LGR4: variants seen among roughly 807,000 people sequenced by gnomAD.
LGR4 encodes the protein leucine-rich repeat-containing G protein-coupled receptor 4.
A neutral mutation model predicts 84.8 loss-of-function variants in LGR4; 44 were observed. That is an observed-to-expected ratio of 0.52 (90% CI 0.41 to 0.67). LGR4 has a LOEUF of 0.67. LGR4 is among the 30% of genes least tolerant of loss of function. The pLI is 0.00. For synonymous variants in LGR4, 429 were observed against 434.3 expected, an observed-to-expected ratio of 0.99 and a Z score of 0.15; for missense variants, 1,032 against 1,131.4, an observed-to-expected ratio of 0.91 and a Z score of 1.26.
chr11:27,414,567 C>T (rs1256894802), intron 1 of LGR4, among the ~76,000 whole-genome samples: 1 of 152,018 alleles, frequency 6.6e-6, no homozygotes, highest in Non-Finnish European at 1.5e-5. Context: ...TTGAAAACAA[C>T]TCAAATCCTA....
chr11:27,419,739 T>G (rs1341041551), intron 1 of LGR4, among the ~76,000 whole-genome samples: 2 of 151,508 alleles, frequency 1.3e-5, no homozygotes, highest in East Asian at 3.9e-4. Context: ...TACAATGGAA[T>G]GTTATCCAGC....
Position 27,472,761 on chromosome 11 carries a change from G to A in LGR4, c.-459C>T. ...CCCAGCCGCGGCTCAATCTCTTCCC[G>A]TCCTTTTCCCTTCTAGGGTTGCACG... On this transcript the variant is annotated 5_prime_UTR_variant, in exon 1 of 18. The change creates a new upstream start codon in the 5' untranslated region. Transcript: ENST00000379214. 2.9e-6 allele frequency: 1 copy of A among 343,944 alleles called. No homozygotes were observed. The highest frequency in any genetic ancestry group is 5.2e-6 in the Non-Finnish European group (1 of 191,550). 21.3% of individuals were successfully genotyped at this position (343,944 alleles called of 1,614,324 possible). A position where few individuals can be genotyped will look rare whatever the true frequency, so the allele number is the denominator to read the frequency against.
chr11:27,439,285 C>T (rs1271870749), intron 1 of LGR4, among the ~76,000 whole-genome samples: 1 of 152,182 alleles, frequency 6.6e-6, no homozygotes, highest in South Asian at 2.1e-4. Flanking sequence ...ATTTTGACTA[C>T]TCTAAGTACC....
chr11:27,435,144 G>A (rs1864186252), intron 1 of LGR4, among the ~76,000 whole-genome samples: 1 of 151,970 alleles, frequency 6.6e-6, no homozygotes, highest in South Asian at 2.1e-4. Flanking sequence ...AGACCAGCCT[G>A]GCCAATATGG....
intron 1 of LGR4, among the ~76,000 whole-genome samples, chr11:27,430,292 T>A (rs1027534042): frequency 6.6e-6 from 1 of 152,048 alleles, no homozygotes; most frequent in Non-Finnish European, 1.5e-5. Flanking sequence ...GTTGAGTCAC[T>A]ACATGCCAAC....
intron 1 of LGR4, among the ~76,000 whole-genome samples, chr11:27,419,436 A>G (rs1274572094): frequency 1.3e-5 from 2 of 151,878 alleles, no homozygotes; most frequent in Non-Finnish European, 2.9e-5. Context: ...AAGATGTGGA[A>G]CAACTGGAAC....
intron 1 of LGR4, among the ~76,000 whole-genome samples, chr11:27,445,838 C>A (rs1184310067): frequency 2.6e-5 from 4 of 151,664 alleles, no homozygotes; most frequent in Non-Finnish European, 5.9e-5. Flanking sequence ...GATGGCGCCA[C>A]TGTACTACAG....
chr11:27,447,053 G>A (rs12786528), intron 1 of LGR4, among the ~76,000 whole-genome samples: 29,890 of 145,726 alleles, frequency 0.21, 3,207 homozygotes, highest in East Asian at 0.35. Context: ...GGGGAGGGGG[G>A]AGGGATAGCA....
chr11:27,431,217 C>T (rs1864111172), intron 1 of LGR4, among the ~76,000 whole-genome samples: 1 of 152,144 alleles, frequency 6.6e-6, no homozygotes, highest in Non-Finnish European at 1.5e-5. Flanking sequence ...TCCAATGTCA[C>T]CTGGGAATGA....
chr11:27,369,748 A>AT (rs139620591), intron 17 of LGR4, among the ~76,000 whole-genome samples: 39 of 152,270 alleles, frequency 2.6e-4, no homozygotes, highest in African/African-American at 8.9e-4. Flanking sequence ...TCATGTATGT[A>AT]TATGTATGTA....
chr11:27,378,617 T>C lies in LGR4; in HGVS notation c.1043+80A>G, dbSNP rs1202073849. ...ATACCTCAAAACCACCTTATGAAAG[T>C]AGATCCTTAAAATAAAATTGAACAT... On this transcript the variant is annotated intron_variant, in intron 11 of 17. Transcript: ENST00000379214. The C allele has an allele frequency of 5.0e-6, 5 of 1,009,374 alleles. No homozygotes were observed. In the East Asian group the frequency reaches 1.2e-4, roughly 24 times the overall value. The allele number at this position is 1,009,374 out of a possible 1,614,324, so 62.5% of individuals were successfully genotyped here.
In LGR4 at chr11:27,385,466, C is replaced by T. The variant is rs183096316; in HGVS notation, c.404G>A (p.Arg135His). ...TGAGGTAATATGGTTGGCATCTAAA[C>T]GCCTAACAGAAACAAAAACAACCAT... ...IRGLSALQSL[R>H]LDANHITSVP... The change falls in exon 5 of 18, where the codon CGT becomes CAT. Residue 135 changes from arginine (R) to histidine (H), a missense_variant and splice_region_variant. Transcript: ENST00000379214. The T allele has an allele frequency of 1.9e-6, 3 of 1,592,764 alleles. No homozygotes were observed. The highest frequency in any genetic ancestry group is 1.7e-6 in the Non-Finnish European group (2 of 1,168,200).
Position 27,367,833 on chromosome 11 carries a change from G to A in LGR4, c.*34C>T, listed in dbSNP as rs765064599. 2 of 1,476,460 alleles carry A rather than the reference G, an allele frequency of 1.4e-6. No individual in the cohort carries two copies. The highest frequency in any genetic ancestry group is 1.8e-6 in the Non-Finnish European group (2 of 1,092,828). 91.5% of individuals were successfully genotyped at this position (1,476,460 alleles called of 1,614,324 possible). A position where few individuals can be genotyped will look rare whatever the true frequency, so the allele number is the denominator to read the frequency against. On this transcript the variant is annotated 3_prime_UTR_variant, in exon 18 of 18. Transcript: ENST00000379214. ...GGTTCACTCTATAAACACTGATTTT[G>A]GTTGACGGGGGAAACGGTTACACAC...
chr11:27,440,436 A>G (rs1164944285), intron 1 of LGR4, among the ~76,000 whole-genome samples: 1 of 152,136 alleles, frequency 6.6e-6, no homozygotes, highest in Non-Finnish European at 1.5e-5. Context: ...GAGTCTTTCT[A>G]TTTTTGAGAT....
intron 16 of LGR4, 53 bp downstream of exon 16, chr11:27,372,230 C>T: frequency 9.6e-7 from 1 of 1,036,976 alleles, no homozygotes; most frequent in Non-Finnish European, 1.5e-6. Flanking sequence ...ATAACAGGAA[C>T]TTTAATCAAT....
intron 2 of LGR4, among the ~76,000 whole-genome samples, chr11:27,408,558 A>G (rs1356850899): frequency 6.6e-6 from 1 of 152,094 alleles, no homozygotes; most frequent in Non-Finnish European, 1.5e-5. Context: ...TCACAGCTCC[A>G]AATTTCAGCC....
At chr11:27,470,208 A>T (rs1864845788) in intron 1 of LGR4, among the ~76,000 whole-genome samples, 1 of 152,182 alleles carries the variant, frequency 6.6e-6, no homozygotes, top group South Asian at 2.1e-4. Context: ...CTGTTTCCTA[A>T]GCCATGAACA....
intron 1 of LGR4, among the ~76,000 whole-genome samples, chr11:27,448,048 C>G (rs1864421880): frequency 6.6e-6 from 1 of 152,170 alleles, no homozygotes; most frequent in Admixed American, 6.5e-5. Flanking sequence ...TTATTGCTCT[C>G]TGTAGCACTG....
rs186371194 is a variant in LGR4, at chr11:27,368,609, C to T, written c.2114G>A (p.Gly705Glu). ...PFPTGETPSL[G>E]FTVTLVLLNS... ...TAATAGCACTAACGTTACAGTGAAT[C>T]CTAATGATGGCGTTTCACCTGTAGG... The change falls in exon 18 of 18, where the codon GGA (glycine) becomes GAA (glutamate). Residue 705 changes from glycine (G) to glutamate (E), a missense_variant. Gly to Glu is a moderately conservative substitution (Grantham distance 98, BLOSUM62 -2). Coordinates refer to ENST00000379214, the MANE Select transcript of LGR4 (RefSeq NM_018490.5). The T allele has an allele frequency of 4.3e-6, 7 of 1,613,830 alleles. No individual in the cohort carries two copies. Among genetic ancestry groups the T allele is most frequent in the South Asian group, 1.1e-5 (1 of 91,006 alleles).
Sources: allele counts gnomAD v4.1 joint callset (sites outside exome capture counted in the v4.1 genomes callset), GRCh38; gene constraint gnomAD v4.1.1; transcripts MANE v1.5; gene names NCBI Gene and HGNC (gene_info 2026-07-23, HGNC 2026-07-21).